The following NRXN1 variants were observed in gnomAD, a reference collection of about 807,000 sequenced individuals.
NRXN1 encodes neurexin-1.
Under a neutral mutation model 150.9 loss-of-function variants are expected in NRXN1, and 39 were observed. The ratio of observed to expected loss-of-function variants is 0.26; its 90% CI spans 0.20 to 0.34. NRXN1 has a LOEUF of 0.34. Ranked by LOEUF, NRXN1 falls within the 10% of genes least tolerant of loss-of-function variation. The pLI is 1.00. For missense variants in NRXN1, 1,815 were observed against 1,949.9 expected, an observed-to-expected ratio of 0.93 and a Z score of 1.30; for synonymous variants, 924 against 757.0, an observed-to-expected ratio of 1.22 and a Z score of -3.62.
chr2:50,976,772 A>G (rs1415034674), intron 2 of NRXN1, among the ~76,000 whole-genome samples: 1 of 152,006 alleles, frequency 6.6e-6, no homozygotes, highest in African/African-American at 2.4e-5. Context: ...ACATTTCAGT[A>G]AGATCAAAAT....
At chr2:50,357,305 T>TA (rs1553488170) in intron 17 of NRXN1, among the ~76,000 whole-genome samples, 4,674 of 144,134 alleles carry the variant, frequency 0.032, 146 homozygotes, top group African/African-American at 0.087. Flanking sequence ...TTTATTTATT[T>TA]TTTTTTTTAT....
intron 2 of NRXN1, among the ~76,000 whole-genome samples, chr2:50,931,218 T>G (rs1574964715): frequency 6.6e-6 from 1 of 152,130 alleles, no homozygotes; most frequent in Non-Finnish European, 1.5e-5. Flanking sequence ...GTATATAAAT[T>G]TTTTTCACCA....
intron 16 of NRXN1, among the ~76,000 whole-genome samples, chr2:50,467,632 G>C (rs1281220772): frequency 1.3e-5 from 2 of 151,226 alleles, no homozygotes; most frequent in Non-Finnish European, 3.0e-5. Flanking sequence ...CAGAAACCAT[G>C]ATATTGTAAA....
At chr2:50,479,734 G>A (rs1254522234) in intron 15 of NRXN1, among the ~76,000 whole-genome samples, 3 of 145,176 alleles carry the variant, frequency 2.1e-5, no homozygotes, top group Non-Finnish European at 4.5e-5. Context: ...GTTAATTGTG[G>A]AAAATTTTTC....
rs1668155371 is a variant in NRXN1, at chr2:49,921,322, C to A, written c.*622G>T. Reference sequence around the variant, plus strand: ...ATATTTCACATTTTTGAAAATAAGGCCTCCATACTTTTTTTTCCTCTCTCA... The same window carrying A: ...ATATTTCACATTTTTGAAAATAAGGACTCCATACTTTTTTTTCCTCTCTCA... On this transcript the variant is annotated 3_prime_UTR_variant, in exon 23 of 23. Transcript: ENST00000401669. 1 of 152,458 alleles carries A rather than the reference C, an allele frequency of 6.6e-6. No homozygotes were observed. The highest frequency in any genetic ancestry group is 1.5e-5 in the Non-Finnish European group (1 of 68,020). 9.4% of individuals were successfully genotyped at this position (152,458 alleles called of 1,614,324 possible).
intron 5 of NRXN1, among the ~76,000 whole-genome samples, chr2:50,781,516 A>G (rs1704345675): frequency 6.6e-6 from 1 of 152,234 alleles, no homozygotes; most frequent in Non-Finnish European, 1.5e-5. Context: ...GAGTGATTCA[A>G]AGGCATTCAG....
intron 18 of NRXN1, among the ~76,000 whole-genome samples, chr2:50,184,887 C>A (rs1178744202): frequency 2.6e-5 from 4 of 152,062 alleles, no homozygotes; most frequent in Non-Finnish European, 4.4e-5. Flanking sequence ...AGTAATTGGC[C>A]AAGGTCCCAT....
chr2:50,974,517 T>C (rs923817115), intron 2 of NRXN1, among the ~76,000 whole-genome samples: 10 of 152,262 alleles, frequency 6.6e-5, no homozygotes, highest in African/African-American at 2.4e-4. Context: ...GCTGACCATC[T>C]TGTCTGGTAG....
At chr2:50,075,538 G>T (rs1227271607) in intron 19 of NRXN1, among the ~76,000 whole-genome samples, 2 of 152,152 alleles carry the variant, frequency 1.3e-5, no homozygotes, top group Non-Finnish European at 2.9e-5. Flanking sequence ...AGTAGTCTCA[G>T]CTCTACCAGT....
chr2:50,936,173 C>A (rs1688517469), intron 2 of NRXN1, among the ~76,000 whole-genome samples: 3 of 152,114 alleles, frequency 2.0e-5, no homozygotes, highest in Admixed American at 2.0e-4. Context: ...CCAAAAGATA[C>A]TGAGGTCATC....
At chr2:50,667,773 T>G (rs1688283650) in intron 5 of NRXN1, among the ~76,000 whole-genome samples, 1 of 151,986 alleles carries the variant, frequency 6.6e-6, no homozygotes, top group Non-Finnish European at 1.5e-5. Context: ...GGCTTTATAT[T>G]CCTAAGTATT....
intron 22 of NRXN1, among the ~76,000 whole-genome samples, chr2:49,930,109 T>G (rs1669859487): frequency 6.6e-6 from 1 of 152,144 alleles, no homozygotes; most frequent in Non-Finnish European, 1.5e-5. Context: ...GAAACAAAGT[T>G]TACTTTTCAG....
At chr2:50,353,191 T>A (rs372727368) in intron 17 of NRXN1, among the ~76,000 whole-genome samples, 1 of 152,256 alleles carries the variant, frequency 6.6e-6, no homozygotes, top group East Asian at 1.9e-4. Flanking sequence ...TGTCTTTCAT[T>A]CGATTTAATA....
At chr2:50,173,627 T>A (rs2060161439) in intron 18 of NRXN1, among the ~76,000 whole-genome samples, 1 of 152,228 alleles carries the variant, frequency 6.6e-6, no homozygotes, top group Non-Finnish European at 1.5e-5. Context: ...CACATCTACA[T>A]GCATAACGAG....
chr2:50,015,808 T>C (rs1217134110), intron 21 of NRXN1, among the ~76,000 whole-genome samples: 1 of 152,124 alleles, frequency 6.6e-6, no homozygotes, highest in East Asian at 1.9e-4. Context: ...ATGTTTTTTT[T>C]CCATTCCAGA....
chr2:50,408,137 T>C (rs1263039365), intron 17 of NRXN1, among the ~76,000 whole-genome samples: 2 of 152,160 alleles, frequency 1.3e-5, no homozygotes, highest in Non-Finnish European at 1.5e-5. Flanking sequence ...CCCTCCAAGA[T>C]CTTACCATCT....
intron 18 of NRXN1, among the ~76,000 whole-genome samples, chr2:50,211,272 C>T (rs1373699451): frequency 1.3e-5 from 2 of 151,658 alleles, no homozygotes; most frequent in Admixed American, 6.6e-5. Flanking sequence ...CACACATGCA[C>T]ACATACATAT....
intron 5 of NRXN1, chr2:50,624,869 A>G (rs1680729532): frequency 6.6e-6 from 1 of 152,070 alleles, no homozygotes; most frequent in Non-Finnish European, 1.5e-5. Context: ...AGAAAGGTGG[A>G]TATTTGGAAG....
At chr2:50,698,994 C>T (rs970468968) in intron 5 of NRXN1, among the ~76,000 whole-genome samples, 4 of 152,062 alleles carry the variant, frequency 2.6e-5, no homozygotes, top group Non-Finnish European at 5.9e-5. Context: ...TACCAATTGA[C>T]AATAGTATTG....
Sources: gnomAD v4.1 joint callset for allele counts (sites outside exome capture counted in the v4.1 genomes callset) on GRCh38, gnomAD v4.1.1 for gene constraint, MANE v1.5 for transcripts, NCBI Gene and HGNC (gene_info 2026-07-23, HGNC 2026-07-21) for gene names.